Variants in NR3C1 observed in about 807,000 individuals in gnomAD.
NR3C1 encodes the protein nuclear receptor subfamily 3 group C member 1.
In NR3C1, 14 loss-of-function variants were observed where a neutral mutation model predicts 74.0. The observed-to-expected ratio is 0.19, with a 90% CI of 0.12 to 0.30. The LOEUF (loss-of-function observed/expected upper bound fraction) is 0.30, where lower values mean the gene tolerates loss of function less well. Among genes scored for constraint, NR3C1 ranks in the 10% least tolerant of loss-of-function variants. The pLI is 1.00. For synonymous variants in NR3C1, 308 were observed against 332.5 expected (o/e 0.93, Z 0.80); for missense variants, 695 against 909.8 (o/e 0.76, Z 3.04).
chr5:143,306,599 C>T (rs991691162), intron 4 of NR3C1, among the ~76,000 whole-genome samples: 8 of 151,964 alleles, frequency 5.3e-5, no homozygotes, highest in African/African-American at 9.7e-5. Context: ...ATGTGCCACA[C>T]GGTACATATC....
At chr5:143,435,445 C>T (rs1438416952) in exon 1 of NR3C1, 3 of 985,264 alleles carry the variant, frequency 3.0e-6, no homozygotes, top group African/African-American at 1.7e-5. Context: ...AGAATGAGGG[C>T]GAGAGGGAGC....
intron 2 of NR3C1, among the ~76,000 whole-genome samples, chr5:143,323,059 A>G (rs1476340071): frequency 6.6e-6 from 1 of 152,220 alleles, no homozygotes. Flanking sequence ...ATTAAGTGGA[A>G]AATTCCAGAA....
intron 2 of NR3C1, among the ~76,000 whole-genome samples, chr5:143,356,502 A>G (rs914446545): frequency 1.3e-5 from 2 of 152,144 alleles, no homozygotes; most frequent in Non-Finnish European, 2.9e-5. Context: ...TCACTCCAGT[A>G]ACAATATTTA....
At chr5:143,373,381 T>C (rs1034766492) in intron 2 of NR3C1, among the ~76,000 whole-genome samples, 1 of 141,430 alleles carries the variant, frequency 7.1e-6, no homozygotes. Flanking sequence ...AAGATCTCTA[T>C]AAAAAAGCTT....
At chr5:143,428,374 G>A (rs971317952) in intron 1 of NR3C1, among the ~76,000 whole-genome samples, 1 of 152,206 alleles carries the variant, frequency 6.6e-6, no homozygotes, top group Non-Finnish European at 1.5e-5. Flanking sequence ...TGAGGACTGA[G>A]CTTCTGTAAT....
chr5:143,420,196 CA>C (rs1304763362), intron 1 of NR3C1, among the ~76,000 whole-genome samples: 1 of 152,124 alleles, frequency 6.6e-6, no homozygotes, highest in Non-Finnish European at 1.5e-5. Flanking sequence ...ACAATTTGTG[CA>C]GTTAACACAA....
In NR3C1 at chr5:143,283,071, C is replaced by T. The variant is rs1813492244; in HGVS notation, c.2024-346G>A. On this transcript the variant is annotated intron_variant, in intron 7 of 8. Coordinates refer to ENST00000394464, the MANE Select transcript of NR3C1 (RefSeq NM_000176.3). The stretch of plus-strand genomic sequence containing the variant: ...AATTTTTTTGTAGAGACAGGATCTC[C>T]CTATGTTGCCCAGGCTGGTCTTAAA... Among the ~76,000 whole-genome samples the T allele has an allele frequency of 2.6e-5, 4 of 152,044 alleles. No homozygotes were observed. The South Asian group carries it at 8.3e-4, about 31-fold the overall frequency.
At chr5:143,301,504 G>C (rs1286975073) in intron 4 of NR3C1, among the ~76,000 whole-genome samples, 1 of 150,690 alleles carries the variant, frequency 6.6e-6, no homozygotes, top group East Asian at 2.0e-4. Context: ...ACCTAAAGCA[G>C]CCATTTTCAT....
exon 1 of NR3C1, chr5:143,435,430 G>T (rs1359466790): frequency 7.1e-6 from 7 of 985,336 alleles, no homozygotes; most frequent in African/African-American, 1.7e-5. Context: ...GTCTGCATAG[G>T]CACAAGAATG....
chr5:143,280,842 A>T lies in NR3C1; in HGVS notation c.*1047T>A, dbSNP rs1025307919. On this transcript the variant is annotated 3_prime_UTR_variant, in exon 9 of 9. Coordinates refer to ENST00000394464, the MANE Select transcript of NR3C1 (RefSeq NM_000176.3). ...TCTCTCAGCTGTGTTACAGCTGGTT[A>T]TCTGGAATCACAACTTTTAAGAAGT... 6.6e-6 allele frequency: 1 copy of T among 152,238 alleles called. No homozygotes were observed. The highest frequency in any genetic ancestry group is 1.5e-5 in the Non-Finnish European group (1 of 68,036). The allele number at this position is 152,238 out of a possible 1,614,324, so 9.4% of individuals were successfully genotyped here.
intron 2 of NR3C1, among the ~76,000 whole-genome samples, chr5:143,387,212 G>C (rs911438217): frequency 6.6e-6 from 1 of 151,886 alleles, no homozygotes; most frequent in African/African-American, 2.4e-5. Flanking sequence ...TGAATCTCAG[G>C]GTCTTTGTGG....
intron 2 of NR3C1, among the ~76,000 whole-genome samples, chr5:143,395,024 T>C (rs1838934137): frequency 6.6e-6 from 1 of 151,960 alleles, no homozygotes; most frequent in South Asian, 2.1e-4. Flanking sequence ...CACAATTAGG[T>C]GTCTGGGGGT....
intron 6 of NR3C1, among the ~76,000 whole-genome samples, chr5:143,296,799 G>A (rs1047800105): frequency 3.3e-5 from 5 of 152,030 alleles, no homozygotes; most frequent in Non-Finnish European, 7.4e-5. Context: ...GTGGAGGGCT[G>A]GGTGCGGTGG....
At chr5:143,373,139 G>C (rs1455839286) in intron 2 of NR3C1, among the ~76,000 whole-genome samples, 1 of 151,990 alleles carries the variant, frequency 6.6e-6, no homozygotes, top group Non-Finnish European at 1.5e-5. Context: ...AACGCTCCTT[G>C]GAAACAATTT....
chr5:143,354,180 T>C (rs2151795538), intron 2 of NR3C1, among the ~76,000 whole-genome samples: 1 of 152,242 alleles, frequency 6.6e-6, no homozygotes, highest in East Asian at 1.9e-4. Context: ...TAAAGGAATG[T>C]TGTGAATGGT....
intron 4 of NR3C1, among the ~76,000 whole-genome samples, chr5:143,302,048 A>G (rs1415042994): frequency 6.6e-6 from 1 of 152,138 alleles, no homozygotes; most frequent in East Asian, 1.9e-4. Flanking sequence ...ATATAGGACT[A>G]AAGGGCAGAA....
At chr5:143,301,646 A>T (rs920834338) in intron 4 of NR3C1, among the ~76,000 whole-genome samples, 1 of 152,154 alleles carries the variant, frequency 6.6e-6, no homozygotes, top group Non-Finnish European at 1.5e-5. Flanking sequence ...ATAAATAAGA[A>T]TTACATTGTT....
At chr5:143,316,971 A>T (rs1312824988) in intron 2 of NR3C1, among the ~76,000 whole-genome samples, 2 of 152,198 alleles carry the variant, frequency 1.3e-5, no homozygotes, top group East Asian at 3.8e-4. Flanking sequence ...ATGGATTGAT[A>T]GTACAGTAGC....
intron 2 of NR3C1, among the ~76,000 whole-genome samples, chr5:143,389,051 C>T (rs1333426510): frequency 6.6e-6 from 1 of 152,132 alleles, no homozygotes; most frequent in Non-Finnish European, 1.5e-5. Context: ...ATAGTTGAAT[C>T]AAATCTTGTT....
Sources: allele counts gnomAD v4.1 joint callset (sites outside exome capture counted in the v4.1 genomes callset), GRCh38; gene constraint gnomAD v4.1.1; transcripts MANE v1.5; gene names NCBI Gene and HGNC (gene_info 2026-07-23, HGNC 2026-07-21).